Variants in SLCO1A2 observed in about 807,000 individuals in gnomAD.
The protein encoded by SLCO1A2 is OATP-1.
Under a neutral mutation model 69.0 loss-of-function variants are expected in SLCO1A2, and 67 were observed. The observed-to-expected ratio is 0.97, with a 90% CI of 0.80 to 1.19. The LOEUF (loss-of-function observed/expected upper bound fraction) is 1.19. Among genes scored for constraint, SLCO1A2 ranks in the 50% most tolerant of loss-of-function variants. The pLI is 0.00. For missense variants in SLCO1A2, 787 were observed against 793.7 expected (o/e 0.99, Z 0.10); for synonymous variants, 260 against 265.9 (o/e 0.98, Z 0.22).
chr12:21,416,028 A>AT (rs1435293941), intron 1 of SLCO1A2, among the ~76,000 whole-genome samples: 1 of 152,074 alleles, frequency 6.6e-6, no homozygotes, highest in African/African-American at 2.4e-5. Context: ...TATACATAGT[A>AT]TCCTCTGTTC....
chr12:21,350,561 G>A (rs1317240046), intron 2 of SLCO1A2, among the ~76,000 whole-genome samples: 1 of 151,956 alleles, frequency 6.6e-6, no homozygotes, highest in African/African-American at 2.4e-5. Context: ...TTCAGGCCGG[G>A]CACAGTGGCT....
chr12:21,295,898 C>T, intron 9 of SLCO1A2, 106 bp from the exon 10 acceptor site: 1 of 626,802 alleles, frequency 1.6e-6, no homozygotes, highest in Non-Finnish European at 2.8e-6. Context: ...TTAGGTCCAA[C>T]TCATAGTGAA....
chr12:21,275,350 C>T lies in SLCO1A2; in HGVS notation c.1675+10G>A. The T allele has an allele frequency of 6.5e-7, 1 of 1,548,864 alleles. No individual in the cohort carries two copies. Among genetic ancestry groups the T allele is most frequent in the Non-Finnish European group, 8.8e-7 (1 of 1,135,804 alleles). ...TCTGATAGGATGTGGGAAAAAATAA[C>T]TATTTTTACCAAATACTCTTGTGCA... On this transcript the variant is annotated intron_variant, in intron 13 of 14. Coordinates refer to ENST00000683939, the MANE Select transcript of SLCO1A2 (RefSeq NM_001386879.1).
chr12:21,295,738 A>G lies in SLCO1A2; in HGVS notation c.1130T>C (p.Met377Thr), dbSNP rs1334574515. 6.2e-7 allele frequency: 1 copy of G among 1,604,858 alleles called. No homozygotes were observed. Among genetic ancestry groups the G allele is most frequent in the East Asian group, 2.2e-5 (1 of 44,682 alleles). ...TTTGACAGTAATCTTGAACTTCTTC[A>G]TAATTAAACCACCAATTATATATCC... ...CIGYIIGGLI[M>T]KKFKITVKQA... is the part of the protein sequence containing the mutation. Residue 377 changes from methionine (M) to threonine (T), a missense_variant, in exon 10 of 15, where the codon ATG (methionine) becomes ACG (threonine). By Grantham distance (81) the Met-to-Thr change is moderately conservative (BLOSUM62 -1). Transcript: ENST00000683939.
At chr12:21,356,862 T>C (rs11045996) in intron 2 of SLCO1A2, among the ~76,000 whole-genome samples, 208 of 152,284 alleles carry the variant, frequency 1.4e-3, no homozygotes, top group African/African-American at 4.9e-3. Context: ...TATAGAGTAG[T>C]GAGAACTTTT....
intron 1 of SLCO1A2, among the ~76,000 whole-genome samples, chr12:21,390,800 TA>T (rs906515078): frequency 3.3e-5 from 5 of 152,054 alleles, no homozygotes; most frequent in African/African-American, 4.8e-5. Flanking sequence ...ACATAGCATA[TA>T]AAAAAATGAG....
At position 21,351,691 on chromosome 12, in the gene SLCO1A2, T is replaced by C. The variant is rs543022261; in HGVS notation, c.-62-16982A>G. Reference sequence around the variant, plus strand: ...GACTCAGGAGGCTGAGGCAGGAGAATCTCTTGAACCCAGGAGGCAGAGGTT... The same window carrying C: ...GACTCAGGAGGCTGAGGCAGGAGAACCTCTTGAACCCAGGAGGCAGAGGTT... On this transcript the variant is annotated intron_variant, in intron 2 of 15. Transcript: ENST00000307378. 1.7e-3 allele frequency among the ~76,000 whole-genome samples: 263 copies of C among 151,042 alleles called. 2 individuals are homozygous for C. The highest frequency in any genetic ancestry group is 6.0e-3 in the African/African-American group (247 of 41,046).
At chr12:21,275,475 A>G in intron 12 of SLCO1A2, 51 bp from the exon 13 acceptor site, 1 of 1,351,986 alleles carries the variant, frequency 7.4e-7, no homozygotes, top group African/African-American at 1.5e-5. Flanking sequence ...ATTTAAAACT[A>G]TCATATTGTC....
chr12:21,366,406 GGC>G (rs1197764861), intron 2 of SLCO1A2, among the ~76,000 whole-genome samples: 11 of 151,280 alleles, frequency 7.3e-5, no homozygotes, highest in Admixed American at 3.3e-4. Flanking sequence ...CCGGGGGGTG[GGC>G]GGGGGAGGGA....
chr12:21,401,681 T>A (rs957605239), intron 1 of SLCO1A2, among the ~76,000 whole-genome samples: 6 of 151,776 alleles, frequency 4.0e-5, no homozygotes, highest in Non-Finnish European at 8.8e-5. Flanking sequence ...AAATTTTATA[T>A]GGAAGAATAA....
intron 2 of SLCO1A2, among the ~76,000 whole-genome samples, chr12:21,342,272 T>G (rs147343280): frequency 1.1e-3 from 168 of 152,158 alleles, no homozygotes; most frequent in African/African-American, 3.9e-3. Flanking sequence ...ATGTTATTTT[T>G]CCACTGCTTC....
chr12:21,402,781 T>G (rs1430203168), intron 1 of SLCO1A2, among the ~76,000 whole-genome samples: 1 of 152,154 alleles, frequency 6.6e-6, no homozygotes, highest in Non-Finnish European at 1.5e-5. Flanking sequence ...CATATGTGTA[T>G]AATTACATAA....
intron 12 of SLCO1A2, among the ~76,000 whole-genome samples, chr12:21,285,123 GA>G (rs773374731): frequency 0.086 from 11,700 of 135,430 alleles, 601 homozygotes; most frequent in Non-Finnish European, 0.13. Flanking sequence ...GACTAATAAA[GA>G]AAAAAAGAGA....
At chr12:21,348,283 G>C (rs1477717226) in intron 2 of SLCO1A2, among the ~76,000 whole-genome samples, 1 of 152,068 alleles carries the variant, frequency 6.6e-6, no homozygotes, top group African/African-American at 2.4e-5. Context: ...AAAATGTATG[G>C]TTAAGTCATT....
At chr12:21,396,944 C>A (rs1941488056), upstream of SLCO1A2, among the ~76,000 whole-genome samples, 1 of 151,814 alleles carries the variant, frequency 6.6e-6, no homozygotes, top group Admixed American at 6.6e-5. Context: ...ACCATCGAGA[C>A]TAGGAAGAAA....
At chr12:21,315,124 C>G (rs1181661893) in intron 3 of SLCO1A2, among the ~76,000 whole-genome samples, 2 of 152,154 alleles carry the variant, frequency 1.3e-5, no homozygotes, top group African/African-American at 4.8e-5. Context: ...AAGCAAAAGT[C>G]AAATTTAGGT....
intron 12 of SLCO1A2, among the ~76,000 whole-genome samples, chr12:21,280,602 G>A (rs1461597889): frequency 6.6e-6 from 1 of 150,804 alleles, no homozygotes; most frequent in African/African-American, 2.4e-5. Flanking sequence ...TATAGCTAAA[G>A]AGAGAGATAG....
chr12:21,295,724 T>C lies in SLCO1A2; in HGVS notation c.1144A>G (p.Ile382Val). Residue 382 changes from isoleucine to valine, a missense_variant, in exon 10 of 15, where the codon ATT becomes GTT. By Grantham distance (29) the Ile-to-Val change is conservative. Transcript: ENST00000683939. ...ATGTGGGCAGCTTGTTTGACAGTAA[T>C]CTTGAACTTCTTCATAATTAAACCA... ...IGGLIMKKFK[I>V]TVKQAAHIGC... The C allele has an allele frequency of 6.2e-7, 1 of 1,606,256 alleles. No homozygotes were observed. The highest frequency in any genetic ancestry group is 8.5e-7 in the Non-Finnish European group (1 of 1,173,082).
intron 13 of SLCO1A2, chr12:21,275,037 A>C: frequency 5.9e-6 from 6 of 1,019,718 alleles, no homozygotes; most frequent in Non-Finnish European, 7.0e-6. Flanking sequence ...TACATACAGA[A>C]GGGACATTTG....
Sources: allele counts gnomAD v4.1 joint callset (sites outside exome capture counted in the v4.1 genomes callset), GRCh38; gene constraint gnomAD v4.1.1; transcripts MANE v1.5; gene names NCBI Gene and HGNC (gene_info 2026-07-23, HGNC 2026-07-21).